The following FCHSD2 variants were observed in gnomAD, a reference collection of about 807,000 sequenced individuals.
FCHSD2 encodes the protein F-BAR and double SH3 domains protein 2.
A neutral mutation model predicts 108.1 loss-of-function variants in FCHSD2; 38 were observed. The ratio of observed to expected loss-of-function variants is 0.35; its 90% CI spans 0.27 to 0.46. The LOEUF is 0.46. Among genes scored for constraint, FCHSD2 ranks in the 20% least tolerant of loss-of-function variants. FCHSD2 has a pLI of 1.00. For synonymous variants in FCHSD2, 279 were observed against 314.7 expected, an observed-to-expected ratio of 0.89 and a Z score of 1.20; for missense variants, 751 against 897.8, an observed-to-expected ratio of 0.84 and a Z score of 2.09.
intron 12 of FCHSD2, among the ~76,000 whole-genome samples, chr11:72,872,628 AT>A (rs1565299055): frequency 6.6e-6 from 1 of 152,060 alleles, no homozygotes; most frequent in African/African-American, 2.4e-5. Flanking sequence ...TCAGTATTTC[AT>A]TTTTTTAATG....
intron 8 of FCHSD2, among the ~76,000 whole-genome samples, chr11:72,935,368 T>C (rs1319262848): frequency 5.9e-5 from 9 of 152,214 alleles, no homozygotes; most frequent in Non-Finnish European, 1.2e-4. Context: ...CTGAAATCTC[T>C]TGAGTTTCCT....
chr11:73,080,296 CAAAAAAA>C (rs370633105), intron 3 of FCHSD2, among the ~76,000 whole-genome samples: 5 of 52,300 alleles, frequency 9.6e-5, no homozygotes, highest in Non-Finnish European at 1.3e-4. Flanking sequence ...GACCCTGTCT[CAAAAAAA>C]AAAAAAAAAA....
intron 3 of FCHSD2, among the ~76,000 whole-genome samples, chr11:73,052,405 AT>A (rs907710454): frequency 8.0e-5 from 12 of 150,668 alleles, no homozygotes; most frequent in South Asian, 2.1e-4. Flanking sequence ...TCTTGGTATA[AT>A]TTTTTTTTTA....
At position 72,859,824 on chromosome 11, in the gene FCHSD2, G is replaced by C. The variant is rs113180330; in HGVS notation, c.1308+8041C>G. On this transcript the variant is annotated intron_variant, in intron 13 of 19. Coordinates refer to ENST00000409418, the MANE Select transcript of FCHSD2 (RefSeq NM_014824.3). ...TAATCCTCAGAACTCACACAGGTCT[G>C]AGAATAACTCCTGCTCCCTCCTAAA... 5.4e-3 allele frequency among the ~76,000 whole-genome samples: 821 copies of C among 152,302 alleles called. 4 individuals are homozygous for C. Among genetic ancestry groups the C allele is most frequent in the South Asian group, 0.014 (67 of 4,822 alleles).
At position 72,867,863 on chromosome 11, in the gene FCHSD2, A is replaced by G. The variant is rs774993404; in HGVS notation, c.1308+2T>C. 3 of 1,610,968 alleles carry G rather than the reference A, an allele frequency of 1.9e-6. No homozygotes were observed. Among genetic ancestry groups the G allele is most frequent in the Non-Finnish European group, 2.5e-6 (3 of 1,178,620 alleles). ...TGTCATATCCAAGAAAAGAAATCGT[A>G]CCGAGTGTAAAGTGCCATTACTGGT... On this transcript the variant is annotated splice_donor_variant, in intron 13 of 19. Transcript: ENST00000409418. LOFTEE classifies it high-confidence loss of function.
intron 3 of FCHSD2, among the ~76,000 whole-genome samples, chr11:73,038,089 T>C (rs527322784): frequency 6.6e-6 from 1 of 152,260 alleles, no homozygotes; most frequent in South Asian, 2.1e-4. Context: ...AAACCATCTA[T>C]CACTAAAAAA....
chr11:73,088,647 C>CT (rs1241348576), intron 2 of FCHSD2, among the ~76,000 whole-genome samples: 1 of 152,022 alleles, frequency 6.6e-6, no homozygotes, highest in East Asian at 1.9e-4. Flanking sequence ...TGTACACACA[C>CT]TTTTTTTACA....
At chr11:72,877,330 A>G (rs1230467094) in intron 12 of FCHSD2, among the ~76,000 whole-genome samples, 2 of 152,110 alleles carry the variant, frequency 1.3e-5, no homozygotes, top group African/African-American at 2.4e-5. Context: ...CCTTCAGGCC[A>G]GTAAGATGGA....
intron 5 of FCHSD2, 125 bp downstream of exon 5, chr11:73,000,865 G>A: frequency 1.3e-6 from 1 of 781,568 alleles, no homozygotes; most frequent in Non-Finnish European, 2.0e-6. Flanking sequence ...GAAAATCCTA[G>A]TAAAATGTCA....
At chr11:72,847,043 C>A (rs1861164805) in intron 14 of FCHSD2, among the ~76,000 whole-genome samples, 1 of 152,158 alleles carries the variant, frequency 6.6e-6, no homozygotes, top group Admixed American at 6.5e-5. Flanking sequence ...GTCACTCAGG[C>A]TGGAGTGCAG....
At chr11:72,990,544 T>C (rs1857391477) in intron 5 of FCHSD2, among the ~76,000 whole-genome samples, 1 of 152,114 alleles carries the variant, frequency 6.6e-6, no homozygotes, top group South Asian at 2.1e-4. Flanking sequence ...AACTCAGGAT[T>C]AAGAAACTCA....
In FCHSD2 at chr11:72,887,603, G is replaced by A. The variant is rs372287081; in HGVS notation, c.1042-29C>T. The A allele has an allele frequency of 3.8e-5, 52 of 1,374,872 alleles. No homozygotes were observed. In the African/African-American group the frequency reaches 7.7e-4, roughly 20 times the overall value. The allele number at this position is 1,374,872 out of a possible 1,614,324, so 85.2% of individuals were successfully genotyped here. On this transcript the variant is annotated intron_variant, in intron 11 of 19. Coordinates refer to ENST00000409418, the MANE Select transcript of FCHSD2 (RefSeq NM_014824.3). ...TTAAAGAAAATGGGACAATAATGAT[G>A]ACTGTTTTTTACTTTTCATCTTCCT... is the stretch of plus-strand genomic sequence containing the variant.
At chr11:73,078,820 G>A (rs989988153) in intron 3 of FCHSD2, among the ~76,000 whole-genome samples, 3 of 152,136 alleles carry the variant, frequency 2.0e-5, no homozygotes, top group African/African-American at 7.2e-5. Flanking sequence ...CTGGACTCAC[G>A]TGATTCTCCT....
At chr11:73,075,894 G>A (rs759620192) in intron 3 of FCHSD2, among the ~76,000 whole-genome samples, 11 of 152,072 alleles carry the variant, frequency 7.2e-5, no homozygotes, top group African/African-American at 9.7e-5. Context: ...CAACGCAGTC[G>A]GATCGCTTGA....
intron 12 of FCHSD2, among the ~76,000 whole-genome samples, chr11:72,883,854 C>A (rs530381501): frequency 6.6e-6 from 1 of 151,718 alleles, no homozygotes; most frequent in Non-Finnish European, 1.5e-5. Context: ...ATCGCTTGAG[C>A]CCAGGAGGTT....
chr11:73,070,458 C>T (rs1317465834), intron 3 of FCHSD2, among the ~76,000 whole-genome samples: 1 of 152,146 alleles, frequency 6.6e-6, no homozygotes, highest in Non-Finnish European at 1.5e-5. Flanking sequence ...CAGTCTCGTT[C>T]TGTCGCCCAG....
chr11:73,014,317 T>C (rs866393348), intron 4 of FCHSD2, among the ~76,000 whole-genome samples: 5 of 151,844 alleles, frequency 3.3e-5, no homozygotes, highest in African/African-American at 1.2e-4. Flanking sequence ...TTTGTAGAGA[T>C]GGAGTATCAC....
At chr11:73,041,189 T>C in intron 3 of FCHSD2, among the ~76,000 whole-genome samples, 1 of 152,208 alleles carries the variant, frequency 6.6e-6, no homozygotes, top group Middle Eastern at 3.2e-3. Flanking sequence ...TGCAACAAAC[T>C]TGGGGGTGCA....
chr11:73,010,572 G>A (rs1290250304), intron 4 of FCHSD2, among the ~76,000 whole-genome samples: 5 of 152,224 alleles, frequency 3.3e-5, no homozygotes, highest in Non-Finnish European at 5.9e-5. Flanking sequence ...ATAGATCTAT[G>A]GTGTTGTTTG....
Sources: allele counts gnomAD v4.1 joint callset (sites outside exome capture counted in the v4.1 genomes callset), GRCh38; gene constraint gnomAD v4.1.1; transcripts MANE v1.5; gene names NCBI Gene and HGNC (gene_info 2026-07-23, HGNC 2026-07-21).